PAPPA: variants seen among roughly 807,000 people sequenced by gnomAD.
PAPPA encodes the protein pappalysin-1.
A neutral mutation model predicts 164.0 loss-of-function variants in PAPPA; 60 were observed. That is an observed-to-expected ratio of 0.37 (90% CI 0.30 to 0.45). The LOEUF (loss-of-function observed/expected upper bound fraction) is 0.45, where lower values mean the gene tolerates loss of function less well. PAPPA is among the 20% of genes least tolerant of loss of function. The pLI, the probability that PAPPA is intolerant of heterozygous loss-of-function variation, is 1.00. For synonymous variants in PAPPA, 875 were observed against 814.1 expected (o/e 1.07, Z -1.27); for missense variants, 1,782 against 2,087.3 (o/e 0.85, Z 2.85).
intron 2 of PAPPA, among the ~76,000 whole-genome samples, chr9:116,206,556 C>T (rs985749762): frequency 1.3e-5 from 2 of 152,160 alleles, no homozygotes; most frequent in African/African-American, 4.8e-5. Context: ...TCAAAATCTA[C>T]TGAGGGCTCA....
intron 8 of PAPPA, among the ~76,000 whole-genome samples, chr9:116,270,410 T>C (rs895145417): frequency 2.0e-5 from 3 of 152,350 alleles, no homozygotes; most frequent in East Asian, 3.9e-4. Context: ...TGACTGAGGA[T>C]TGGAATTTTA....
At position 116,352,912 on chromosome 9, in the gene PAPPA, A is replaced by G; in HGVS notation, c.4171A>G (p.Lys1391Glu). 1 of 1,613,348 alleles carries G rather than the reference A, an allele frequency of 6.2e-7. No individual in the cohort carries two copies. Among genetic ancestry groups the G allele is most frequent in the Non-Finnish European group, 8.5e-7 (1 of 1,179,364 alleles). Residue 1391 changes from lysine (K) to glutamate (E), a missense_variant, in exon 16 of 22, where the codon AAG becomes GAG. Coordinates refer to ENST00000328252, the MANE Select transcript of PAPPA (RefSeq NM_002581.5). ...YHVPGSSRKSKKRAFKTQCTQ... is the reference protein window; with the variant it reads ...YHVPGSSRKSEKRAFKTQCTQ... Reference sequence around the variant, plus strand: ...TGTGCCTGGATCCTCTCGGAAGTCAAAGAAGTAAGTGGGGTTGGAAATGCA... The same window carrying G: ...TGTGCCTGGATCCTCTCGGAAGTCAGAGAAGTAAGTGGGGTTGGAAATGCA...
Position 116,331,370 on chromosome 9 carries a change from T to C in PAPPA, c.3261+13T>C. ...TTTTTGGCTCCGGGTAAGCTGAAGCTCTGAGAGCTTTGGAATCTCCAGCAG... is the reference window on the plus strand; with the variant it reads ...TTTTTGGCTCCGGGTAAGCTGAAGCCCTGAGAGCTTTGGAATCTCCAGCAG... On this transcript the variant is annotated intron_variant, in intron 11 of 21. Transcript: ENST00000328252. 6.7e-7 allele frequency: 1 copy of C among 1,485,298 alleles called. No individual in the cohort carries two copies. Among genetic ancestry groups the C allele is most frequent in the Non-Finnish European group, 9.4e-7 (1 of 1,062,496 alleles). 92.0% of individuals were successfully genotyped at this position (1,485,298 alleles called of 1,614,324 possible). A position where few individuals can be genotyped will look rare whatever the true frequency, so the allele number is the denominator to read the frequency against.
chr9:116,216,660 C>G (rs560930449), intron 4 of PAPPA, among the ~76,000 whole-genome samples: 33 of 152,126 alleles, frequency 2.2e-4, no homozygotes, highest in Non-Finnish European at 2.4e-4. Context: ...AGATGAAAAC[C>G]CTTTGGTACC....
chr9:116,166,839 G>A (rs530465429), intron 1 of PAPPA, among the ~76,000 whole-genome samples: 67 of 152,162 alleles, frequency 4.4e-4, no homozygotes, highest in South Asian at 1.9e-3. Flanking sequence ...TTGGAACACC[G>A]CAATTACTCT....
chr9:116,360,407 G>A (rs2118621419), intron 17 of PAPPA, among the ~76,000 whole-genome samples: 1 of 152,300 alleles, frequency 6.6e-6, no homozygotes, highest in African/African-American at 2.4e-5. Flanking sequence ...GGCCAGAGAG[G>A]TTTCCATTGC....
At chr9:116,343,004 T>A (rs966297478) in intron 13 of PAPPA, among the ~76,000 whole-genome samples, 1 of 152,190 alleles carries the variant, frequency 6.6e-6, no homozygotes, top group Non-Finnish European at 1.5e-5. Context: ...AAATAGGCAT[T>A]TTCTCTGCCC....
chr9:116,224,346 G>A (rs1844479351), intron 5 of PAPPA, among the ~76,000 whole-genome samples: 1 of 152,198 alleles, frequency 6.6e-6, no homozygotes, highest in South Asian at 2.1e-4. Flanking sequence ...GTACTGGACT[G>A]AAAACCAAGA....
chr9:116,216,169 C>G (rs1844369161), intron 4 of PAPPA, among the ~76,000 whole-genome samples: 1 of 152,122 alleles, frequency 6.6e-6, no homozygotes, highest in South Asian at 2.1e-4. Flanking sequence ...GAGAGTTTCA[C>G]ACAAGGCAAC....
chr9:116,336,826 G>A (rs921937083), intron 13 of PAPPA, among the ~76,000 whole-genome samples: 1 of 152,190 alleles, frequency 6.6e-6, no homozygotes, highest in African/African-American at 2.4e-5. Context: ...ATGGTGGATT[G>A]TGTGGATTCT....
chr9:116,402,267 T>A lies in PAPPA; in HGVS notation c.*5651T>A, dbSNP rs1487625949. Reference sequence around the variant, plus strand: ...GACAGAAATATTTTGCCACTGTTGATTACTATACTTTAAAGTTCTATATTA... The same window carrying A: ...GACAGAAATATTTTGCCACTGTTGAATACTATACTTTAAAGTTCTATATTA... On this transcript the variant is annotated 3_prime_UTR_variant, in exon 22 of 22. Transcript: ENST00000328252. 1 of 152,572 alleles carries A rather than the reference T, an allele frequency of 6.6e-6. No individual in the cohort carries two copies. Among genetic ancestry groups the A allele is most frequent in the East Asian group, 1.9e-4 (1 of 5,194 alleles). 9.5% of individuals were successfully genotyped at this position (152,572 alleles called of 1,614,324 possible). A position where few individuals can be genotyped will look rare whatever the true frequency, so the allele number is the denominator to read the frequency against.
At chr9:116,170,336 G>C (rs189571081) in intron 1 of PAPPA, among the ~76,000 whole-genome samples, 1 of 152,100 alleles carries the variant, frequency 6.6e-6, no homozygotes, top group African/African-American at 2.4e-5. Flanking sequence ...ATAGAATTTG[G>C]ACCTTTTTTT....
chr9:116,317,542 G>T (rs927459041), intron 10 of PAPPA, among the ~76,000 whole-genome samples: 3 of 152,122 alleles, frequency 2.0e-5, no homozygotes, highest in Non-Finnish European at 4.4e-5. Context: ...GTAGATTTTT[G>T]TTTTTTATCT....
At chr9:116,192,664 A>C (rs975624784) in intron 2 of PAPPA, among the ~76,000 whole-genome samples, 5 of 152,176 alleles carry the variant, frequency 3.3e-5, no homozygotes, top group African/African-American at 1.2e-4. Context: ...TGAGCAGTAA[A>C]TGCCTTTCTA....
chr9:116,224,701 T>C (rs554595599), intron 5 of PAPPA, among the ~76,000 whole-genome samples: 1 of 152,342 alleles, frequency 6.6e-6, no homozygotes, highest in South Asian at 2.1e-4. Context: ...CTGGTGTGAC[T>C]GAAGAATCAA....
chr9:116,395,947 A>G (rs1846957050), intron 21 of PAPPA, among the ~76,000 whole-genome samples: 1 of 152,202 alleles, frequency 6.6e-6, no homozygotes, highest in Non-Finnish European at 1.5e-5. Flanking sequence ...TCACTTATAC[A>G]TCAGATATTC....
chr9:116,231,379 T>C (rs1328559034), intron 6 of PAPPA, among the ~76,000 whole-genome samples: 1 of 152,138 alleles, frequency 6.6e-6, no homozygotes, highest in Non-Finnish European at 1.5e-5. Context: ...TTGTTTCTTT[T>C]CTTCAGCTCC....
rs147713114 is a variant in PAPPA at position 116,353,960 on chromosome 9, T to A, written c.4347+167T>A. The stretch of plus-strand genomic sequence containing the variant: ...TTGCTCAGAGATTCTTAGCTTTGAA[T>A]TTTTTTTTAAGCATTGGAACTTTTA... On this transcript the variant is annotated intron_variant, in intron 17 of 21. Coordinates refer to ENST00000328252, the MANE Select transcript of PAPPA (RefSeq NM_002581.5). 2.8e-3 allele frequency among the ~76,000 whole-genome samples: 418 copies of A among 151,878 alleles called. 2 individuals carry two copies. Among genetic ancestry groups the A allele is most frequent in the African/African-American group, 9.4e-3 (389 of 41,394 alleles).
At chr9:116,161,788 T>G (rs1487973584) in intron 1 of PAPPA, among the ~76,000 whole-genome samples, 1 of 152,066 alleles carries the variant, frequency 6.6e-6, no homozygotes, top group Non-Finnish European at 1.5e-5. Flanking sequence ...AACCAAGTGA[T>G]TAAACCTTGG....
Sources: allele counts gnomAD v4.1 joint callset (sites outside exome capture counted in the v4.1 genomes callset), GRCh38; gene constraint gnomAD v4.1.1; transcripts MANE v1.5; gene names NCBI Gene and HGNC (gene_info 2026-07-23, HGNC 2026-07-21).